The following PRCD variants were observed in gnomAD, a reference collection of about 807,000 sequenced individuals.
PRCD encodes photoreceptor disc component, also known as photoreceptor disk component PRCD.
PRCD carries 12 observed loss-of-function variants against 10.1 expected under a neutral mutation model. That is an observed-to-expected ratio of 1.18 (90% CI 0.76 to 1.92). The LOEUF (loss-of-function observed/expected upper bound fraction) is 1.92, where lower values mean the gene tolerates loss of function less well. Ranked by LOEUF, PRCD falls within the 40% of genes most tolerant of loss-of-function variation. The pLI is 0.00. For missense variants in PRCD, 61 were observed against 72.2 expected (o/e 0.84, Z 0.56); for synonymous variants, 31 against 26.2 (o/e 1.18, Z -0.56).
Position 76,540,824 on chromosome 17 carries a change from G to A in PRCD, c.143+251G>A, listed in dbSNP as rs2074983370. The stretch of plus-strand genomic sequence containing the variant: ...GTGCCTCTCATCTCCAGCACGGGGC[G>A]GTCCCCCGGGGCACCTTCTGTCAGA... On this transcript the variant is annotated intron_variant, in intron 2 of 4. Coordinates refer to ENST00000592014, the MANE Select transcript of PRCD (RefSeq NM_001077620.3). The surrounding 1 kb of genome is among the most constrained non-coding windows in gnomAD (Gnocchi z 5.0). Among the ~76,000 whole-genome samples, 1 of 152,198 alleles carries A rather than the reference G, an allele frequency of 6.6e-6. No homozygotes were observed. Among genetic ancestry groups the A allele is most frequent in the Non-Finnish European group, 1.5e-5 (1 of 68,034 alleles).
At position 76,531,695 on chromosome 17, in the gene PRCD, G is replaced by A. The variant is rs750411452; in HGVS notation, n.45+3862G>A. 2 of 1,589,744 alleles carry A rather than the reference G, an allele frequency of 1.3e-6. No homozygotes were observed. Among genetic ancestry groups the A allele is most frequent in the South Asian group, 2.2e-5 (2 of 89,560 alleles). On this transcript the variant is annotated intron_variant and non_coding_transcript_variant, in intron 1 of 4. Coordinates refer to the PRCD transcript ENST00000397633. This position sits in a 1 kb window ranked among gnomAD's most constrained non-coding sequence, Gnocchi z 7.4. ...CGAGGGGAAGTTCACAAAGAACCTG[G>A]CAAGAGGAACAGGGGTGGTCGCTGA... is the stretch of plus-strand genomic sequence containing the variant.
intron 2 of PRCD, 138 bp from the exon 3 acceptor site, chr17:76,542,415 G>A (rs1481640181): frequency 2.0e-6 from 2 of 978,468 alleles, no homozygotes; most frequent in East Asian, 4.8e-5. Context: ...TGTCCTAAAT[G>A]CCAACTGATT....
chr17:76,543,172 G>A (rs1196442785), intron 4 of PRCD, 51 bp downstream of exon 4: 3 of 458,550 alleles, frequency 6.5e-6, no homozygotes, highest in South Asian at 1.6e-5. Flanking sequence ...CTTCCCCCAG[G>A]CCCTGGGTGT....
chr17:76,543,787 A>T lies in PRCD; in HGVS notation c.*153-16A>T, dbSNP rs1157490963. ...CCACAGTGGCACTCGCTTTTGTGTC[A>T]TTTGCCTTTCCCCAGTTCCCAGAGC... On this transcript the variant is annotated splice_polypyrimidine_tract_variant and intron_variant, in intron 4 of 4. Transcript: ENST00000592014. 1 of 470,684 alleles carries T rather than the reference A, an allele frequency of 2.1e-6. No homozygotes were observed. The highest frequency in any genetic ancestry group is 4.4e-6 in the Non-Finnish European group (1 of 227,038). The allele number at this position is 470,684 out of a possible 1,614,324, so 29.2% of individuals were successfully genotyped here.
upstream of PRCD, chr17:76,537,412 G>A: frequency 6.3e-7 from 1 of 1,596,002 alleles, no homozygotes; most frequent in Non-Finnish European, 8.5e-7. Context: ...CACCAGGATG[G>A]CCACCCCCAC....
chr17:76,530,288 C>T lies in PRCD; in HGVS notation n.45+2455C>T, dbSNP rs1282104185. ...CCCAGGGAGGCCGAGTGTTCCCAAC[C>T]GCCACATCTGGGGGCTAGCCCTCCC... On this transcript the variant is annotated intron_variant and non_coding_transcript_variant, in intron 1 of 4. Transcript: ENST00000397633. The surrounding 1 kb of genome is among the most constrained non-coding windows in gnomAD (Gnocchi z 6.1). Among the ~76,000 whole-genome samples, 4 of 152,070 alleles carry T rather than the reference C, an allele frequency of 2.6e-5. No individual in the cohort carries two copies. The highest frequency in any genetic ancestry group is 7.2e-5 in the African/African-American group (3 of 41,396).
exon 2 of PRCD, chr17:76,553,148 GA>G (rs1365770878): frequency 1.3e-5 from 2 of 152,062 alleles, no homozygotes; most frequent in African/African-American, 4.8e-5. Context: ...GCAGATGCAA[GA>G]TGGCTCCAGC....
At chr17:76,535,993 C>T (rs188570805), upstream of PRCD, among the ~76,000 whole-genome samples, 32 of 152,328 alleles carry the variant, frequency 2.1e-4, 1 homozygote, top group East Asian at 2.9e-3. Flanking sequence ...CGGCACCCTC[C>T]GAGGACGCAG....
chr17:76,529,675 C>T (rs955478552), intron 1 of PRCD: 1 of 985,420 alleles, frequency 1.0e-6, no homozygotes. Context: ...CCCCTCCCCT[C>T]CTCTTCCCCT....
chr17:76,549,755 T>C (rs950771548), downstream of PRCD, among the ~76,000 whole-genome samples: 3 of 152,126 alleles, frequency 2.0e-5, no homozygotes, highest in Non-Finnish European at 2.9e-5. Context: ...GGAAATGAAC[T>C]GCTGATGCCG....
chr17:76,532,779 C>G (rs1261873606), intron 1 of PRCD, among the ~76,000 whole-genome samples: 1 of 152,096 alleles, frequency 6.6e-6, no homozygotes, highest in East Asian at 1.9e-4. Flanking sequence ...TCAGGCGATC[C>G]GCCTGCCTCA....
rs2074972497 is a variant in PRCD at position 76,540,252 on chromosome 17, G to GGGGT, written c.74+40_74+41insTGGG. On this transcript the variant is annotated intron_variant, in intron 1 of 4. Coordinates refer to ENST00000592014, the MANE Select transcript of PRCD (RefSeq NM_001077620.3). The surrounding 1 kb of genome is among the most constrained non-coding windows in gnomAD (Gnocchi z 5.0). The stretch of plus-strand genomic sequence containing the variant: ...ACCGGGCTATGGCTGGCGGTTGGTC[G>GGGGT]GGGGGGGGGGGCATGGGGCTGGGCT... 1 of 922,342 alleles carries GGGGT rather than the reference G, an allele frequency of 1.1e-6. No homozygotes were observed. The highest frequency in any genetic ancestry group is 1.7e-5 in the South Asian group (1 of 57,368). 57.1% of individuals were successfully genotyped at this position (922,342 alleles called of 1,614,324 possible).
chr17:76,537,277 G>A (rs371264605), upstream of PRCD: 68 of 1,165,758 alleles, frequency 5.8e-5, no homozygotes, highest in Non-Finnish European at 7.5e-5. Context: ...CGCCGACCTC[G>A]GACCGGCCCC....
upstream of PRCD, among the ~76,000 whole-genome samples, chr17:76,536,966 G>A (rs147016207): frequency 6.3e-3 from 953 of 152,348 alleles, 10 homozygotes; most frequent in African/African-American, 0.021. Context: ...AAGCCGCTGA[G>A]CTGGAGACAG....
chr17:76,539,949 G>T (rs2074965785), upstream of PRCD: 1 of 618,842 alleles, frequency 1.6e-6, no homozygotes, highest in African/African-American at 1.8e-5. Context: ...GAGAACCTGG[G>T]CCCAGTGAGC....
chr17:76,550,374 C>T (rs1259566560), downstream of PRCD: 2 of 151,952 alleles, frequency 1.3e-5, no homozygotes, highest in African/African-American at 2.4e-5. Context: ...GATTCTCCTG[C>T]CTCAGCCTCC....
Position 76,540,262 on chromosome 17 carries a change from GGCAT to G in PRCD, c.74+49_74+52del, listed in dbSNP as rs1478383889. The G allele has an allele frequency of 7.5e-5, 55 of 738,222 alleles. No individual in the cohort carries two copies. Among genetic ancestry groups the G allele is most frequent in the Admixed American group, 2.1e-4 (10 of 46,558 alleles). The allele number at this position is 738,222 out of a possible 1,614,324, so 45.7% of individuals were successfully genotyped here. A position where few individuals can be genotyped will look rare whatever the true frequency, so the allele number is the denominator to read the frequency against. ...GGCTGGCGGTTGGTCGGGGGGGGGG[GGCAT>G]GGGGCTGGGCTGCCACCAAGCTGAA... On this transcript the variant is annotated intron_variant, in intron 1 of 4. Coordinates refer to ENST00000592014, the MANE Select transcript of PRCD (RefSeq NM_001077620.3). The surrounding 1 kb of genome is among the most constrained non-coding windows in gnomAD (Gnocchi z 5.0).
chr17:76,538,095 G>C (rs541645613), upstream of PRCD: 1 of 152,946 alleles, frequency 6.5e-6, no homozygotes, highest in South Asian at 2.0e-4. Flanking sequence ...GCGAGTGTGC[G>C]CGTGCGGACC....
At position 76,531,645 on chromosome 17, in the gene PRCD, T is replaced by C; in HGVS notation, n.45+3812T>C. ...ATCTCCAGGGGATCCTCCATGTGCT[T>C]GAACTGGCTGAAGTACTGCTTGGCC... On this transcript the variant is annotated intron_variant and non_coding_transcript_variant, in intron 1 of 4. Coordinates refer to the PRCD transcript ENST00000397633. This position sits in a 1 kb window ranked among gnomAD's most constrained non-coding sequence, Gnocchi z 7.4. 6.2e-7 allele frequency: 1 copy of C among 1,610,252 alleles called. No homozygotes were observed. The highest frequency in any genetic ancestry group is 8.5e-7 in the Non-Finnish European group (1 of 1,176,706).
Sources: gnomAD v4.1 joint callset for allele counts (sites outside exome capture counted in the v4.1 genomes callset) on GRCh38, gnomAD v4.1.1 for gene constraint, Gnocchi (gnomAD v3.1) non-coding constraint, MANE v1.5 for transcripts, NCBI Gene and HGNC (gene_info 2026-07-23, HGNC 2026-07-21) for gene names.